Variants in CSNK1G1 observed in about 807,000 individuals in gnomAD.
CSNK1G1 encodes the protein casein kinase I isoform gamma-1.
CSNK1G1 carries 22 observed loss-of-function variants against 59.6 expected under a neutral mutation model. That is an observed-to-expected ratio of 0.37 (90% CI 0.26 to 0.53). The LOEUF (loss-of-function observed/expected upper bound fraction) is 0.53. Among genes scored for constraint, CSNK1G1 ranks in the 20% least tolerant of loss-of-function variants. The pLI is 0.89. For missense variants in CSNK1G1, 384 were observed against 519.5 expected (o/e 0.74, Z 2.54); for synonymous variants, 179 against 177.1 (o/e 1.01, Z -0.08).
rs536068063 is a variant in CSNK1G1, at chr15:64,211,263, C to T, written c.679+2627G>A. ...TTTCTCAAAGCCATTTGAAAATACACATCTCAGTCATTTCTTCTTTGCAAC... is the reference window on the plus strand; with the variant it reads ...TTTCTCAAAGCCATTTGAAAATACATATCTCAGTCATTTCTTCTTTGCAAC... On this transcript the variant is annotated intron_variant, in intron 6 of 11. Transcript: ENST00000303052. Among the ~76,000 whole-genome samples, 13 of 152,296 alleles carry T rather than the reference C, an allele frequency of 8.5e-5. No individual in the cohort carries two copies. In the South Asian group the frequency reaches 2.5e-3, roughly 29 times the overall value.
chr15:64,334,587 G>A (rs1259862693), intron 1 of CSNK1G1, among the ~76,000 whole-genome samples: 1 of 152,156 alleles, frequency 6.6e-6, no homozygotes, highest in Non-Finnish European at 1.5e-5. Context: ...AGTGATGGGA[G>A]ACTCTGGCCA....
intron 1 of CSNK1G1, among the ~76,000 whole-genome samples, chr15:64,350,343 GAAAAA>G: frequency 6.6e-6 from 1 of 151,446 alleles, no homozygotes; most frequent in Non-Finnish European, 1.5e-5. Flanking sequence ...AATACAAAAA[GAAAAA>G]AAATTAGCCG....
chr15:64,174,629 C>T (rs1386749272), intron 11 of CSNK1G1, among the ~76,000 whole-genome samples: 1 of 152,216 alleles, frequency 6.6e-6, no homozygotes, highest in African/African-American at 2.4e-5. Context: ...AAGTTCTCAA[C>T]ATGCTGGAGT....
intron 10 of CSNK1G1, among the ~76,000 whole-genome samples, chr15:64,185,796 C>A (rs1318270107): frequency 6.8e-6 from 1 of 146,258 alleles, no homozygotes; most frequent in Non-Finnish European, 1.5e-5. Context: ...CGGGAAACAG[C>A]AGTTGCAGTA....
intron 1 of CSNK1G1, among the ~76,000 whole-genome samples, chr15:64,347,985 A>G: frequency 6.6e-6 from 1 of 151,702 alleles, no homozygotes; most frequent in East Asian, 1.9e-4. Context: ...CAGCCTGGCG[A>G]CAGAGCACAA....
At chr15:64,201,692 G>A (rs2140244828) in intron 10 of CSNK1G1, among the ~76,000 whole-genome samples, 1 of 148,974 alleles carries the variant, frequency 6.7e-6, no homozygotes, top group African/African-American at 2.5e-5. Flanking sequence ...ATTTGTGGGT[G>A]TACTCCATTG....
At chr15:64,313,957 A>G (rs1446702459) in intron 1 of CSNK1G1, among the ~76,000 whole-genome samples, 2 of 152,150 alleles carry the variant, frequency 1.3e-5, no homozygotes, top group African/African-American at 4.8e-5. Context: ...ATAACAGTGA[A>G]CTTGACATAT....
intron 4 of CSNK1G1, among the ~76,000 whole-genome samples, chr15:64,235,983 G>A (rs79020362): frequency 0.053 from 1,174 of 22,158 alleles, 3 homozygotes; most frequent in Admixed American, 0.11. Context: ...AATATGTAAC[G>A]TCAACAAAAT....
At chr15:64,277,967 T>C (rs1053964768) in intron 2 of CSNK1G1, among the ~76,000 whole-genome samples, 9 of 145,980 alleles carry the variant, frequency 6.2e-5, no homozygotes, top group Non-Finnish European at 1.3e-4. Flanking sequence ...TTGAATAATA[T>C]ATTAATATTG....
intron 1 of CSNK1G1, among the ~76,000 whole-genome samples, chr15:64,317,354 G>A (rs1265503831): frequency 6.6e-6 from 1 of 152,140 alleles, no homozygotes; most frequent in African/African-American, 2.4e-5. Flanking sequence ...CTCCCAAAGT[G>A]CTGGGATTAC....
chr15:64,354,739 G>T (rs750141392), intron 1 of CSNK1G1, among the ~76,000 whole-genome samples: 5 of 152,064 alleles, frequency 3.3e-5, no homozygotes, highest in Non-Finnish European at 2.9e-5. Context: ...TTTAAAATGG[G>T]ATGTTACTTA....
chr15:64,224,827 T>C (rs1030638257), intron 4 of CSNK1G1, among the ~76,000 whole-genome samples: 1 of 152,198 alleles, frequency 6.6e-6, no homozygotes, highest in Admixed American at 6.5e-5. Context: ...ATTTCACATT[T>C]CCGAGCCACA....
intron 6 of CSNK1G1, among the ~76,000 whole-genome samples, chr15:64,208,919 G>A (rs923037207): frequency 8.8e-5 from 13 of 147,924 alleles, no homozygotes; most frequent in Admixed American, 2.0e-4. Context: ...ACAAGGTCTC[G>A]CTCTGTTGCC....
At chr15:64,243,608 G>C (rs983192295) in intron 4 of CSNK1G1, among the ~76,000 whole-genome samples, 27 of 152,110 alleles carry the variant, frequency 1.8e-4, no homozygotes, top group Admixed American at 7.2e-4. Context: ...AAGTCGAATT[G>C]TCCCTATATG....
chr15:64,249,073 G>T (rs778988470), intron 4 of CSNK1G1, among the ~76,000 whole-genome samples: 2 of 152,162 alleles, frequency 1.3e-5, no homozygotes, highest in African/African-American at 2.4e-5. Flanking sequence ...AGTGAGCCGA[G>T]ATAGTGCCAC....
intron 4 of CSNK1G1, among the ~76,000 whole-genome samples, chr15:64,223,207 C>T (rs928502978): frequency 5.3e-5 from 8 of 151,864 alleles, no homozygotes; most frequent in African/African-American, 9.7e-5. Flanking sequence ...CACACAGTAA[C>T]GGCTTATCAG....
intron 4 of CSNK1G1, among the ~76,000 whole-genome samples, chr15:64,243,453 A>T (rs1891580425): frequency 1.3e-5 from 2 of 152,182 alleles, no homozygotes; most frequent in Admixed American, 1.3e-4. Flanking sequence ...CATTTTAAAC[A>T]GGGAAAAGCT....
At chr15:64,266,455 C>T (rs911831995) in intron 2 of CSNK1G1, among the ~76,000 whole-genome samples, 1 of 152,046 alleles carries the variant, frequency 6.6e-6, no homozygotes, top group Non-Finnish European at 1.5e-5. Flanking sequence ...CCAAAGCGAT[C>T]TACAAGATTC....
intron 2 of CSNK1G1, among the ~76,000 whole-genome samples, chr15:64,285,454 CAA>C (rs1042436106): frequency 6.6e-6 from 1 of 151,866 alleles, no homozygotes; most frequent in Admixed American, 6.6e-5. Context: ...TGTTCAAATC[CAA>C]AAAAACTGTT....
Sources: gnomAD v4.1 joint callset for allele counts (sites outside exome capture counted in the v4.1 genomes callset) on GRCh38, gnomAD v4.1.1 for gene constraint, MANE v1.5 for transcripts, NCBI Gene and HGNC (gene_info 2026-07-23, HGNC 2026-07-21) for gene names.